Variants in CTNNA2 observed in about 807,000 individuals in gnomAD.
CTNNA2 encodes the protein catenin alpha-2.
A neutral mutation model predicts 101.0 loss-of-function variants in CTNNA2; 42 were observed. That is an observed-to-expected ratio of 0.42 (90% confidence interval 0.32 to 0.54). The LOEUF is 0.54. CTNNA2 is among the 20% of genes least tolerant of loss of function. CTNNA2 has a pLI of 0.14. For synonymous variants in CTNNA2, 450 were observed against 456.4 expected (o/e 0.99, Z 0.18); for missense variants, 871 against 1,223.1 (o/e 0.71, Z 4.29).
chr2:80,418,278 C>T (rs888763538), intron 8 of CTNNA2, among the ~76,000 whole-genome samples: 6 of 152,248 alleles, frequency 3.9e-5, no homozygotes, highest in South Asian at 2.1e-4. Flanking sequence ...AGAATCATTC[C>T]TATCTAATAG....
intron 15 of CTNNA2, among the ~76,000 whole-genome samples, chr2:80,597,132 C>T (rs1047969269): frequency 6.6e-6 from 1 of 152,076 alleles, no homozygotes; most frequent in African/African-American, 2.4e-5. Flanking sequence ...AGGATTTTTG[C>T]ATCGATGTTC....
chr2:79,649,674 G>C (rs757906970), intron 1 of CTNNA2, among the ~76,000 whole-genome samples: 1 of 152,186 alleles, frequency 6.6e-6, no homozygotes. Context: ...TAGGTTTTTG[G>C]AGGACAGGCA....
At chr2:79,732,379 CAT>C (rs1055188157) in intron 2 of CTNNA2, among the ~76,000 whole-genome samples, 5 of 151,970 alleles carry the variant, frequency 3.3e-5, no homozygotes, top group African/African-American at 1.2e-4. Context: ...CCTAGCAATT[CAT>C]AGAAAAAAGT....
intron 3 of CTNNA2, among the ~76,000 whole-genome samples, chr2:79,349,416 G>A (rs566082984): frequency 3.9e-5 from 6 of 152,134 alleles, no homozygotes; most frequent in African/African-American, 1.4e-4. Context: ...GAATCTCTAG[G>A]GTTAGGGCTA....
chr2:80,602,402 A>G (rs1026273081), intron 15 of CTNNA2, among the ~76,000 whole-genome samples: 1 of 152,064 alleles, frequency 6.6e-6, no homozygotes, highest in Non-Finnish European at 1.5e-5. Context: ...ATGAGGAAGC[A>G]TTTTCCAAGA....
intron 18 of CTNNA2, among the ~76,000 whole-genome samples, chr2:80,623,661 G>A (rs554316795): frequency 3.6e-4 from 55 of 152,016 alleles, no homozygotes; most frequent in African/African-American, 1.3e-3. Flanking sequence ...CTACTAAAAT[G>A]CACGATCCTG....
intron 2 of CTNNA2, chr2:79,281,623 A>G (rs1675386317): frequency 6.6e-6 from 1 of 152,182 alleles, no homozygotes. Flanking sequence ...ATCACCAAAG[A>G]ACACCTATAC....
intron 7 of CTNNA2, among the ~76,000 whole-genome samples, chr2:80,293,539 A>G (rs1675456335): frequency 6.6e-6 from 1 of 152,148 alleles, no homozygotes. Flanking sequence ...GAGAGCATTC[A>G]CTTGTGTTGT....
chr2:80,048,778 G>C (rs1198634888), intron 7 of CTNNA2, among the ~76,000 whole-genome samples: 2 of 152,182 alleles, frequency 1.3e-5, no homozygotes, highest in Non-Finnish European at 1.5e-5. Context: ...TAGAACTAAT[G>C]GGAAGTTCTA....
chr2:79,446,296 G>A (rs1173435867), intron 4 of CTNNA2, among the ~76,000 whole-genome samples: 1 of 151,856 alleles, frequency 6.6e-6, no homozygotes, highest in African/African-American at 2.4e-5. Flanking sequence ...ATTGAAGGTT[G>A]GAAAACGGAA....
intron 12 of CTNNA2, among the ~76,000 whole-genome samples, chr2:80,565,208 C>T (rs1244438757): frequency 1.3e-5 from 2 of 152,176 alleles, no homozygotes; most frequent in Admixed American, 6.6e-5. Flanking sequence ...TTGGTAAAGG[C>T]TTTCAAAGAC....
At chr2:80,634,425 G>A (rs932122247) in intron 18 of CTNNA2, among the ~76,000 whole-genome samples, 2 of 152,030 alleles carry the variant, frequency 1.3e-5, no homozygotes, top group African/African-American at 4.8e-5. Context: ...GCCTTACATT[G>A]CAAACATGAC....
chr2:80,406,940 T>C (rs1679127326), intron 8 of CTNNA2, among the ~76,000 whole-genome samples: 1 of 151,958 alleles, frequency 6.6e-6, no homozygotes, highest in African/African-American at 2.4e-5. Flanking sequence ...GCATTCTCTA[T>C]GTGTTTGGGC....
intron 3 of CTNNA2, among the ~76,000 whole-genome samples, chr2:79,757,933 G>A (rs1280073830): frequency 6.6e-6 from 1 of 152,150 alleles, no homozygotes; most frequent in Non-Finnish European, 1.5e-5. Flanking sequence ...GAAAAACCTG[G>A]TGGACGTTGT....
intron 7 of CTNNA2, among the ~76,000 whole-genome samples, chr2:80,256,711 G>A (rs900291122): frequency 6.6e-6 from 1 of 152,098 alleles, no homozygotes; most frequent in Non-Finnish European, 1.5e-5. Flanking sequence ...TCATTGCGGC[G>A]ATCTGGAATG....
At chr2:79,379,436 C>A (rs1010131211) in intron 4 of CTNNA2, among the ~76,000 whole-genome samples, 2 of 152,182 alleles carry the variant, frequency 1.3e-5, no homozygotes, top group Non-Finnish European at 2.9e-5. Flanking sequence ...CATCCTTCAA[C>A]CCCACCATAG....
At chr2:79,447,651 G>A (rs550568155) in intron 4 of CTNNA2, among the ~76,000 whole-genome samples, 1 of 152,124 alleles carries the variant, frequency 6.6e-6, no homozygotes, top group South Asian at 2.1e-4. Context: ...AGGACATTGA[G>A]TTTCAAATAC....
intron 2 of CTNNA2, among the ~76,000 whole-genome samples, chr2:79,245,700 G>A (rs890966188): frequency 2.0e-5 from 3 of 152,174 alleles, no homozygotes; most frequent in South Asian, 2.1e-4. Flanking sequence ...ATCACTGAGA[G>A]GATCATGAAA....
chr2:79,318,597 C>T (rs1247112103), intron 3 of CTNNA2, among the ~76,000 whole-genome samples: 1 of 152,054 alleles, frequency 6.6e-6, no homozygotes, highest in African/African-American at 2.4e-5. Flanking sequence ...AGATGTGTAC[C>T]CTATATCCTA....
Sources: allele counts gnomAD v4.1 joint callset (sites outside exome capture counted in the v4.1 genomes callset), GRCh38; gene constraint gnomAD v4.1.1; transcripts MANE v1.5; gene names NCBI Gene and HGNC (gene_info 2026-07-23, HGNC 2026-07-21).